GRM7: variants seen among roughly 807,000 people sequenced by gnomAD.
The protein encoded by GRM7 is metabotropic glutamate receptor 7.
In GRM7, 35 loss-of-function variants were observed where a neutral mutation model predicts 84.5. That is an observed-to-expected ratio of 0.41 (90% CI 0.32 to 0.55). GRM7 has a LOEUF of 0.55. Ranked by LOEUF, GRM7 falls within the 20% of genes least tolerant of loss-of-function variation. The pLI, the probability that GRM7 is intolerant of heterozygous loss-of-function variation, is 0.19. For missense variants in GRM7, 1,003 were observed against 1,194.6 expected (o/e 0.84, Z 2.36); for synonymous variants, 487 against 455.1 (o/e 1.07, Z -0.89).
intron 1 of GRM7, among the ~76,000 whole-genome samples, chr3:7,054,637 C>T (rs1051890651): frequency 6.6e-6 from 1 of 151,850 alleles, no homozygotes; most frequent in African/African-American, 2.4e-5. Context: ...TATTTTTAAT[C>T]ATAATGGAAT....
intron 4 of GRM7, among the ~76,000 whole-genome samples, chr3:7,314,128 A>AT (rs1254025920): frequency 6.6e-6 from 1 of 152,108 alleles, no homozygotes; most frequent in African/African-American, 2.4e-5. Flanking sequence ...CACTGGGTAG[A>AT]TTTTTCCTTT....
At chr3:7,644,676 C>G (rs940650435) in intron 8 of GRM7, among the ~76,000 whole-genome samples, 4 of 152,146 alleles carry the variant, frequency 2.6e-5, no homozygotes, top group Non-Finnish European at 4.4e-5. Context: ...GAATGTGAAC[C>G]ATTATTCTGA....
intron 7 of GRM7, among the ~76,000 whole-genome samples, chr3:7,565,918 CT>C (rs1252793741): frequency 2.0e-5 from 3 of 152,206 alleles, no homozygotes; most frequent in African/African-American, 7.2e-5. Flanking sequence ...GCACATATAG[CT>C]TTTTGGATGA....
In GRM7 at chr3:7,230,195, T is replaced by C. The variant is rs553975659; in HGVS notation, c.737-68489T>C. Among the ~76,000 whole-genome samples, 3 of 152,140 alleles carry C rather than the reference T, an allele frequency of 2.0e-5. No individual in the cohort carries two copies. The South Asian group carries it at 6.2e-4, about 32-fold the overall frequency. On this transcript the variant is annotated intron_variant, in intron 2 of 9. Coordinates refer to ENST00000357716, the MANE Select transcript of GRM7 (RefSeq NM_000844.4). ...GAAAGAAATTACCTCCTCAAACAGA[T>C]TCAATTAATAGTGAAATAAACACAT...
intron 1 of GRM7, among the ~76,000 whole-genome samples, chr3:6,985,605 A>C (rs1205556079): frequency 1.3e-5 from 2 of 152,200 alleles, no homozygotes; most frequent in East Asian, 3.9e-4. Flanking sequence ...AAAGTGGCAA[A>C]ATAGCCCAAC....
intron 4 of GRM7, among the ~76,000 whole-genome samples, chr3:7,359,219 T>C: frequency 9.1e-6 from 1 of 109,606 alleles, no homozygotes; most frequent in Admixed American, 9.5e-5. Flanking sequence ...GGTGTTTGTG[T>C]TTGTGTGTGT....
At chr3:6,884,086 C>T (rs538783593) in intron 1 of GRM7, 1 of 152,584 alleles carries the variant, frequency 6.6e-6, no homozygotes, top group African/African-American at 2.4e-5. Context: ...GTGTGCCATC[C>T]ATTGGTAAAT....
At chr3:7,627,574 G>C (rs1319242385) in intron 8 of GRM7, among the ~76,000 whole-genome samples, 1 of 152,194 alleles carries the variant, frequency 6.6e-6, no homozygotes, top group Non-Finnish European at 1.5e-5. Flanking sequence ...GCTTATTGTA[G>C]TTCACTGGAA....
At chr3:7,047,624 A>G (rs1476474174) in intron 1 of GRM7, among the ~76,000 whole-genome samples, 1 of 152,062 alleles carries the variant, frequency 6.6e-6, no homozygotes, top group Admixed American at 6.6e-5. Context: ...ATTGTCTAGT[A>G]TTTGACATGA....
At chr3:7,429,284 G>A (rs559731736) in intron 5 of GRM7, among the ~76,000 whole-genome samples, 58 of 152,194 alleles carry the variant, frequency 3.8e-4, no homozygotes, top group African/African-American at 1.3e-3. Flanking sequence ...GACATAGGAA[G>A]CCTGTGGTAA....
At chr3:7,357,892 A>G (rs1382986223) in intron 4 of GRM7, among the ~76,000 whole-genome samples, 3 of 152,140 alleles carry the variant, frequency 2.0e-5, no homozygotes, top group African/African-American at 7.2e-5. Flanking sequence ...ATTTTTAGCT[A>G]TGGAAAAAAA....
chr3:7,172,744 C>T (rs934848533), intron 2 of GRM7, among the ~76,000 whole-genome samples: 2 of 152,004 alleles, frequency 1.3e-5, no homozygotes, highest in Non-Finnish European at 2.9e-5. Context: ...TGAAGGATTA[C>T]ATCCAGTGGT....
Position 7,079,137 on chromosome 3 carries a change from G to A in GRM7, c.520-67315G>A, listed in dbSNP as rs1342674702. Among the ~76,000 whole-genome samples the A allele has an allele frequency of 2.0e-5, 3 of 152,050 alleles. No homozygotes were observed. The East Asian group carries it at 5.8e-4, about 29-fold the overall frequency. On this transcript the variant is annotated intron_variant, in intron 1 of 9. Transcript: ENST00000357716. The stretch of plus-strand genomic sequence containing the variant: ...ATTTATCCTTCTGTTTTATGTTAAA[G>A]CAATGGCCCAGACCCCCAGATTTTG...
chr3:7,384,575 A>G (rs531789409), intron 4 of GRM7, among the ~76,000 whole-genome samples: 111 of 152,364 alleles, frequency 7.3e-4, no homozygotes, highest in African/African-American at 2.5e-3. Context: ...CCCAAATATC[A>G]TCTCAACATA....
chr3:7,301,580 T>C (rs1346694706), intron 3 of GRM7, among the ~76,000 whole-genome samples: 1 of 152,182 alleles, frequency 6.6e-6, no homozygotes, highest in African/African-American at 2.4e-5. Context: ...TACTGTTGAC[T>C]TGCAAGTAAT....
intron 8 of GRM7, chr3:7,591,584 G>A (rs1402240874): frequency 5.3e-6 from 2 of 374,298 alleles, no homozygotes; most frequent in African/African-American, 4.3e-5. Flanking sequence ...GTACCAGAAT[G>A]TTCACGAGAA....
intron 2 of GRM7, among the ~76,000 whole-genome samples, chr3:7,283,400 G>GTTATTATTATTATTA: frequency 6.6e-6 from 1 of 150,416 alleles, no homozygotes; most frequent in African/African-American, 2.4e-5. Context: ...TGAGGTTGCT[G>GTTATTATTATTATTA]TTATTATTAT....
At chr3:7,681,586 G>T (rs1700370434) in intron 9 of GRM7, 1 of 152,180 alleles carries the variant, frequency 6.6e-6, no homozygotes, top group Non-Finnish European at 1.5e-5. Flanking sequence ...CCTAGGACAA[G>T]TCTAAAGGAA....
chr3:7,240,475 A>G (rs908101865), intron 2 of GRM7, among the ~76,000 whole-genome samples: 3 of 152,138 alleles, frequency 2.0e-5, no homozygotes, highest in Admixed American at 1.3e-4. Flanking sequence ...ATATGTTTAG[A>G]GTAATTTAAA....
Sources: gnomAD v4.1 joint callset for allele counts (sites outside exome capture counted in the v4.1 genomes callset) on GRCh38, gnomAD v4.1.1 for gene constraint, MANE v1.5 for transcripts, NCBI Gene and HGNC (gene_info 2026-07-23, HGNC 2026-07-21) for gene names.